STXBP6: variants seen among roughly 807,000 people sequenced by gnomAD.
STXBP6 encodes syntaxin-binding protein 6.
A neutral mutation model predicts 26.9 loss-of-function variants in STXBP6; 21 were observed. The ratio of observed to expected loss-of-function variants is 0.78; its 90% CI spans 0.55 to 1.12. The LOEUF (loss-of-function observed/expected upper bound fraction) is 1.12, where lower values mean the gene tolerates loss of function less well. STXBP6 is among the 50% of genes most tolerant of loss of function. The pLI, the probability that STXBP6 is intolerant of heterozygous loss-of-function variation, is 0.00. For missense variants in STXBP6, 232 were observed against 257.9 expected (o/e 0.90, Z 0.69); for synonymous variants, 97 against 92.6 (o/e 1.05, Z -0.27).
chr14:24,956,263 G>C (rs1488114056), intron 2 of STXBP6, among the ~76,000 whole-genome samples: 7 of 152,098 alleles, frequency 4.6e-5, no homozygotes, highest in Non-Finnish European at 4.4e-5. Flanking sequence ...TCAACACCAA[G>C]TTACAGAGAC....
chr14:24,827,004 C>T lies in STXBP6; in HGVS notation c.452-7810G>A, dbSNP rs75249491. ...CACTTTAGCCCAGGAGTTTTGAGAT[C>T]GGCCTGGGCAGCATGGAGAAACCCC... On this transcript the variant is annotated intron_variant, in intron 4 of 5. Transcript: ENST00000323944. Among the ~76,000 whole-genome samples the T allele has an allele frequency of 1.2e-3, 187 of 152,226 alleles. 4 individuals are homozygous for T. The East Asian group carries it at 0.034, about 28-fold the overall frequency.
intron 2 of STXBP6, among the ~76,000 whole-genome samples, chr14:24,880,677 C>G (rs1396357249): frequency 6.6e-6 from 1 of 152,146 alleles, no homozygotes; most frequent in Non-Finnish European, 1.5e-5. Flanking sequence ...CCCATTAATA[C>G]AATAAAACAG....
chr14:25,041,037 C>T (rs1463336790), intron 1 of STXBP6, among the ~76,000 whole-genome samples: 5 of 152,004 alleles, frequency 3.3e-5, no homozygotes, highest in Non-Finnish European at 5.9e-5. Context: ...AAAGAAAAAA[C>T]GGGGCCAGGC....
chr14:24,914,365 G>C (rs2071680484), intron 2 of STXBP6, among the ~76,000 whole-genome samples: 1 of 152,010 alleles, frequency 6.6e-6, no homozygotes, highest in South Asian at 2.1e-4. Context: ...ATCTTAACAG[G>C]ATAGTCAAAT....
chr14:24,932,532 A>G (rs142023896), intron 2 of STXBP6, among the ~76,000 whole-genome samples: 1 of 152,262 alleles, frequency 6.6e-6, no homozygotes, highest in East Asian at 1.9e-4. Context: ...AAAAAAATAA[A>G]TAAATAAAAT....
intron 2 of STXBP6, among the ~76,000 whole-genome samples, chr14:24,859,109 AG>A (rs1233790518): frequency 2.0e-5 from 3 of 152,198 alleles, no homozygotes; most frequent in African/African-American, 7.2e-5. Context: ...CATCTAAGGA[AG>A]GTAAGTTCCA....
chr14:24,872,167 C>T (rs187131650), intron 2 of STXBP6, among the ~76,000 whole-genome samples: 248 of 152,178 alleles, frequency 1.6e-3, no homozygotes, highest in African/African-American at 5.7e-3. Flanking sequence ...ATTAGCAAAT[C>T]GGCAGATTCC....
At chr14:24,836,180 TTAATACTGGTAATACTTGATTCAG>T (rs2068606282) in intron 4 of STXBP6, among the ~76,000 whole-genome samples, 1 of 152,238 alleles carries the variant, frequency 6.6e-6, no homozygotes. Flanking sequence ...CAACATGCCT[TTAATACTGGTAATACTTGATTCAG>T]TACAGAAAGA....
chr14:24,874,553 G>A (rs2070064433), intron 2 of STXBP6, among the ~76,000 whole-genome samples: 1 of 152,102 alleles, frequency 6.6e-6, no homozygotes. Flanking sequence ...GCTCCCAAAT[G>A]TAAACAAGCT....
At chr14:24,881,744 A>C (rs1468064047) in intron 2 of STXBP6, among the ~76,000 whole-genome samples, 1 of 152,172 alleles carries the variant, frequency 6.6e-6, no homozygotes, top group Non-Finnish European at 1.5e-5. Context: ...AAATAATGAC[A>C]ATGTTAAGAG....
At chr14:24,897,978 A>C (rs549206351) in intron 2 of STXBP6, among the ~76,000 whole-genome samples, 61 of 152,308 alleles carry the variant, frequency 4.0e-4, no homozygotes, top group African/African-American at 1.3e-3. Flanking sequence ...ATCAGTGGTG[A>C]AGTCATGTAG....
Position 24,810,911 on chromosome 14 carries a change from C to CT in STXBP6, c.*1797dup, listed in dbSNP as rs1484713672. The CT allele has an allele frequency of 1.5e-5, 1 of 65,018 alleles. No individual in the cohort carries two copies. Among genetic ancestry groups the CT allele is most frequent in the Non-Finnish European group, 3.5e-5 (1 of 28,224 alleles). The allele number at this position is 65,018 out of a possible 1,614,324, so 4.0% of individuals were successfully genotyped here. ...TGTGTGTGTGTGTGTGCATTCTGAA[C>CT]TGAGATCTGCAAACAAAATCTATTT... On this transcript the variant is annotated 3_prime_UTR_variant, in exon 6 of 6. Coordinates refer to ENST00000323944, the MANE Select transcript of STXBP6 (RefSeq NM_001394410.1).
chr14:24,958,309 C>T (rs1338304610), intron 2 of STXBP6, among the ~76,000 whole-genome samples: 2 of 152,200 alleles, frequency 1.3e-5, no homozygotes, highest in Admixed American at 6.6e-5. Context: ...ATTCCTACCT[C>T]GAGGCAAAAA....
At position 24,995,269 on chromosome 14, in the gene STXBP6, C is replaced by T. The variant is rs971393142; in HGVS notation, c.-32-20419G>A. ...ATAATCACATTCACAAGAAATCTGC[C>T]CTCGTGACCTAGTCACTTCCCAAAG... On this transcript the variant is annotated intron_variant, in intron 1 of 5. Transcript: ENST00000323944. 2.6e-5 allele frequency among the ~76,000 whole-genome samples: 4 copies of T among 152,048 alleles called. No homozygotes were observed. In the South Asian group the frequency reaches 6.2e-4, roughly 24 times the overall value.
At chr14:24,938,470 G>T (rs2072679585) in intron 2 of STXBP6, among the ~76,000 whole-genome samples, 1 of 151,866 alleles carries the variant, frequency 6.6e-6, no homozygotes, top group South Asian at 2.1e-4. Flanking sequence ...TTGCTGTATG[G>T]TAGACACTGC....
intron 1 of STXBP6, among the ~76,000 whole-genome samples, chr14:25,047,251 A>T (rs956944718): frequency 6.6e-6 from 1 of 152,210 alleles, no homozygotes; most frequent in Non-Finnish European, 1.5e-5. Flanking sequence ...GGTGATCTAA[A>T]ACCTGAGACT....
rs978370814 is a variant in STXBP6 at position 24,812,546 on chromosome 14, C to T, written c.*163G>A. Reference sequence around the variant, plus strand: ...TCATTAGGGAAATGTAAAAATGCAACACCCTTTCTTTCACATTAACATCTG... The same window carrying T: ...TCATTAGGGAAATGTAAAAATGCAATACCCTTTCTTTCACATTAACATCTG... On this transcript the variant is annotated 3_prime_UTR_variant, in exon 6 of 6. Coordinates refer to ENST00000323944, the MANE Select transcript of STXBP6 (RefSeq NM_001394410.1). 3 of 638,332 alleles carry T rather than the reference C, an allele frequency of 4.7e-6. No individual in the cohort carries two copies. In the South Asian group the frequency reaches 5.9e-5, roughly 13 times the overall value. The allele number at this position is 638,332 out of a possible 1,614,324, so 39.5% of individuals were successfully genotyped here. A position where few individuals can be genotyped will look rare whatever the true frequency, so the allele number is the denominator to read the frequency against.
At chr14:24,921,467 A>T (rs2139815127) in intron 2 of STXBP6, among the ~76,000 whole-genome samples, 1 of 152,280 alleles carries the variant, frequency 6.6e-6, no homozygotes, top group East Asian at 1.9e-4. Flanking sequence ...GGCTTAATTC[A>T]ACCTATATAA....
chr14:24,844,081 A>C (rs763163679), intron 4 of STXBP6, among the ~76,000 whole-genome samples: 2 of 152,162 alleles, frequency 1.3e-5, no homozygotes, highest in Admixed American at 6.5e-5. Flanking sequence ...TAATGACTTA[A>C]TCAATCATAA....
Sources: allele counts gnomAD v4.1 joint callset (sites outside exome capture counted in the v4.1 genomes callset), GRCh38; gene constraint gnomAD v4.1.1; transcripts MANE v1.5; gene names NCBI Gene and HGNC (gene_info 2026-07-23, HGNC 2026-07-21).